Variants in ARID4B observed in about 807,000 individuals in gnomAD.
ARID4B encodes the protein AT-rich interaction domain 4B, also known as AT-rich interactive domain-containing protein 4B.
In ARID4B, 26 loss-of-function variants were observed where a neutral mutation model predicts 147.5. The ratio of observed to expected loss-of-function variants is 0.18; its 90% confidence interval spans 0.13 to 0.24. ARID4B has a LOEUF of 0.24. ARID4B is among the 10% of genes least tolerant of loss of function. The pLI is 1.00. For missense variants in ARID4B, 1,179 were observed against 1,511.5 expected, an observed-to-expected ratio of 0.78 and a Z score of 3.65; for synonymous variants, 512 against 507.9, an observed-to-expected ratio of 1.01 and a Z score of -0.11.
At chr1:235,211,581 G>C (rs745887482) in intron 17 of ARID4B, among the ~76,000 whole-genome samples, 1 of 152,060 alleles carries the variant, frequency 6.6e-6, no homozygotes, top group Non-Finnish European at 1.5e-5. Context: ...GCTAATCCAA[G>C]TATTTCTTAA....
chr1:235,289,429 G>A (rs2185021), intron 2 of ARID4B, among the ~76,000 whole-genome samples: 69,907 of 151,794 alleles, frequency 0.46, 16,424 homozygotes, highest in South Asian at 0.6. Context: ...ATTTTTTTTA[G>A]AGACCAACCA....
intron 2 of ARID4B, among the ~76,000 whole-genome samples, chr1:235,262,497 A>G (rs1428751579): frequency 6.6e-6 from 1 of 152,144 alleles, no homozygotes; most frequent in Non-Finnish European, 1.5e-5. Context: ...ATTAACTACA[A>G]CTTGATAACT....
At chr1:235,255,373 A>G (rs1669916249) in intron 5 of ARID4B, among the ~76,000 whole-genome samples, 1 of 151,726 alleles carries the variant, frequency 6.6e-6, no homozygotes, top group Non-Finnish European at 1.5e-5. Context: ...AAACTTAAAA[A>G]TAGGTAAGAT....
chr1:235,256,041 G>A (rs940025183), intron 4 of ARID4B, among the ~76,000 whole-genome samples: 1 of 151,854 alleles, frequency 6.6e-6, no homozygotes, highest in Non-Finnish European at 1.5e-5. Flanking sequence ...AGGCGTGGTG[G>A]CAGGCGCCTG....
chr1:235,225,935 G>A (rs1667801331), intron 11 of ARID4B, among the ~76,000 whole-genome samples: 1 of 152,080 alleles, frequency 6.6e-6, no homozygotes, highest in Admixed American at 6.5e-5. Context: ...TGATGAATCT[G>A]TATTTCTCAA....
chr1:235,224,918 T>C, intron 11 of ARID4B, 143 bp from the exon 12 acceptor site: 2 of 613,260 alleles, frequency 3.3e-6, no homozygotes, highest in South Asian at 4.4e-5. Context: ...CTTTTAACAC[T>C]AAGCTGTTCA....
intron 7 of ARID4B, among the ~76,000 whole-genome samples, chr1:235,242,664 T>C (rs1272836207): frequency 2.6e-5 from 4 of 152,210 alleles, no homozygotes. Flanking sequence ...AACAAAATTA[T>C]CTGCATCATT....
chr1:235,241,475 G>A (rs2103073352), intron 7 of ARID4B, among the ~76,000 whole-genome samples: 1 of 152,102 alleles, frequency 6.6e-6, no homozygotes, highest in Admixed American at 6.5e-5. Flanking sequence ...TAACCGTCAT[G>A]CCTTTATATT....
At position 235,181,942 on chromosome 1, in the gene ARID4B, C is replaced by G. The variant is rs747608284; in HGVS notation, c.2977G>C (p.Asp993His). Residue 993 changes from aspartate to histidine, a missense_variant, in exon 20 of 24, where the codon GAT becomes CAT. Asp to His is a moderately conservative substitution (Grantham distance 81). Around this residue, in one of 10 missense-constraint regions of ARID4B, gnomAD observed 357 missense variants for 427.3 expected, o/e 0.84. Coordinates refer to ENST00000264183, the MANE Select transcript of ARID4B (RefSeq NM_016374.6). Reference protein sequence around the residue: ...ELEKPPPVNVDSKPIEEKTVE... With the variant: ...ELEKPPPVNVHSKPIEEKTVE... The stretch of plus-strand genomic sequence containing the variant: ...GTTTTTTCTTCAATGGGTTTACTAT[C>G]GACATTGACTGGAGGTGGTTTTTCT... 7.4e-6 allele frequency: 12 copies of G among 1,614,110 alleles called. No individual in the cohort carries two copies. The highest frequency in any genetic ancestry group is 1.0e-5 in the Non-Finnish European group (12 of 1,180,020).
Position 235,207,508 on chromosome 1 carries a change from T to C in ARID4B, c.1841+6261A>G, listed in dbSNP as rs7525991. 8.9e-3 allele frequency among the ~76,000 whole-genome samples: 1,350 copies of C among 152,214 alleles called. 19 individuals carry two copies. Among genetic ancestry groups the C allele is most frequent in the African/African-American group, 0.028 (1,153 of 41,526 alleles). On this transcript the variant is annotated intron_variant, in intron 17 of 23. Transcript: ENST00000264183. ...CAGCTTGAGTCAAAAGAAGTGATTA[T>C]AATAATAATGCCAGGGAATGTAAGC...
chr1:235,327,279 G>A lies in ARID4B; in HGVS notation c.-49-311C>T, dbSNP rs373961083. 15 of 184,384 alleles carry A rather than the reference G, an allele frequency of 8.1e-5. No homozygotes were observed. The East Asian group carries it at 2.0e-3, about 24-fold the overall frequency. 11.4% of individuals were successfully genotyped at this position (184,384 alleles called of 1,614,324 possible). A position where few individuals can be genotyped will look rare whatever the true frequency, so the allele number is the denominator to read the frequency against. ...CAAGCCCGGCGTCCGGCGCAGGGCC[G>A]GCCGCTCTCCCCTAGGGCCTCGGCG... On this transcript the variant is annotated intron_variant, in intron 1 of 23. Coordinates refer to ENST00000264183, the MANE Select transcript of ARID4B (RefSeq NM_016374.6).
intron 12 of ARID4B, 122 bp from the exon 13 acceptor site, chr1:235,223,382 T>TATATATACACGTATATATATATATATAC (rs71172272): frequency 0.19 from 41,314 of 212,772 alleles, 5,885 homozygotes; most frequent in Admixed American, 0.31. Context: ...TATATATATA[T>TATATATACACGTATATATATATATATAC]ACACGTATAT....
intron 2 of ARID4B, among the ~76,000 whole-genome samples, chr1:235,296,775 TAA>T (rs1211104009): frequency 1.4e-5 from 1 of 69,294 alleles, no homozygotes; most frequent in Non-Finnish European, 2.8e-5. Context: ...TTACTCTAAT[TAA>T]AAAAAAAAAA....
At chr1:235,198,421 G>C (rs1484944824) in intron 17 of ARID4B, among the ~76,000 whole-genome samples, 1 of 152,158 alleles carries the variant, frequency 6.6e-6, no homozygotes, top group Non-Finnish European at 1.5e-5. Flanking sequence ...TGCCTCATGG[G>C]TAAGGCCACT....
intron 2 of ARID4B, among the ~76,000 whole-genome samples, chr1:235,283,727 C>T (rs1050072751): frequency 3.3e-5 from 5 of 151,886 alleles, no homozygotes; most frequent in African/African-American, 1.2e-4. Context: ...GAAACCAATC[C>T]TTTATTTACT....
intron 18 of ARID4B, 54 bp from the exon 19 acceptor site, chr1:235,194,265 C>T: frequency 1.6e-6 from 2 of 1,287,114 alleles, no homozygotes; most frequent in Admixed American, 3.8e-5. Flanking sequence ...TTATCAGAAA[C>T]AATGTTAATG....
At chr1:235,278,086 A>G (rs950234519) in intron 2 of ARID4B, among the ~76,000 whole-genome samples, 2 of 152,214 alleles carry the variant, frequency 1.3e-5, no homozygotes, top group Non-Finnish European at 2.9e-5. Flanking sequence ...TGCTACATAC[A>G]GGGGTATGTA....
chr1:235,204,014 G>A (rs1235304200), intron 17 of ARID4B, among the ~76,000 whole-genome samples: 3 of 152,008 alleles, frequency 2.0e-5, no homozygotes, highest in Non-Finnish European at 4.4e-5. Context: ...AAACAAAAAA[G>A]TAGTATATTA....
Position 235,257,245 on chromosome 1 carries a change from T to G in ARID4B, c.118-20A>C. On this transcript the variant is annotated intron_variant, in intron 3 of 23. Coordinates refer to ENST00000264183, the MANE Select transcript of ARID4B (RefSeq NM_016374.6). The stretch of plus-strand genomic sequence containing the variant: ...TGTCACCTAGAGATTATAAGTTTAA[T>G]TAGCCACCAAAAATAAACCAAGCAA... 6.3e-7 allele frequency: 1 copy of G among 1,576,732 alleles called. No homozygotes were observed. The highest frequency in any genetic ancestry group is 8.7e-7 in the Non-Finnish European group (1 of 1,147,222).
Sources: gnomAD v4.1 joint callset for allele counts (sites outside exome capture counted in the v4.1 genomes callset) on GRCh38, gnomAD v4.1.1 for gene constraint, gnomAD v4.1.1 regional missense constraint, MANE v1.5 for transcripts, NCBI Gene and HGNC (gene_info 2026-07-23, HGNC 2026-07-21) for gene names.